NRG1: variants seen among roughly 807,000 people sequenced by gnomAD.
NRG1 encodes neuregulin 1.
NRG1 carries 18 observed loss-of-function variants against 63.8 expected under a neutral mutation model. The observed-to-expected ratio is 0.28, with a 90% CI of 0.19 to 0.42. The LOEUF (loss-of-function observed/expected upper bound fraction) is 0.42. Among genes scored for constraint, NRG1 ranks in the 10% least tolerant of loss-of-function variants. The pLI is 1.00. For synonymous variants in NRG1, 302 were observed against 301.3 expected (o/e 1.00, Z -0.02); for missense variants, 762 against 814.7 (o/e 0.94, Z 0.79).
intron 1 of NRG1, among the ~76,000 whole-genome samples, chr8:31,691,300 G>C (rs775254019): frequency 6.6e-6 from 1 of 152,126 alleles, no homozygotes; most frequent in Non-Finnish European, 1.5e-5. Context: ...AGCAAGTGAT[G>C]GAAATTAACA....
At chr8:32,403,370 C>A (rs1813501717) in intron 1 of NRG1, among the ~76,000 whole-genome samples, 1 of 151,522 alleles carries the variant, frequency 6.6e-6, no homozygotes, top group Non-Finnish European at 1.5e-5. Context: ...GTGCAAGGCA[C>A]TTGATAGCCT....
rs549142677 is a variant in NRG1, at chr8:31,856,664, G to A, written c.37+217233G>A. Among the ~76,000 whole-genome samples, 424 of 152,148 alleles carry A rather than the reference G, an allele frequency of 2.8e-3. 1 individual carries two copies. The highest frequency in any genetic ancestry group is 9.7e-3 in the African/African-American group (401 of 41,474). ...TGTTCCGTTGCTGGTGAGGAACTGCGTTCCTTTGGAGGAGGAGAGTCGCTC... is the reference window on the plus strand; with the variant it reads ...TGTTCCGTTGCTGGTGAGGAACTGCATTCCTTTGGAGGAGGAGAGTCGCTC... On this transcript the variant is annotated intron_variant, in intron 1 of 10. Transcript: ENST00000519301.
At chr8:32,123,409 G>C (rs1445418485) in intron 1 of NRG1, among the ~76,000 whole-genome samples, 1 of 151,804 alleles carries the variant, frequency 6.6e-6, no homozygotes, top group Non-Finnish European at 1.5e-5. Flanking sequence ...TGTAAGATGT[G>C]ACTTTGCTCC....
intron 5 of NRG1, among the ~76,000 whole-genome samples, chr8:32,653,990 AG>A (rs1425788228): frequency 6.6e-6 from 1 of 151,904 alleles, no homozygotes; most frequent in Non-Finnish European, 1.5e-5. Flanking sequence ...AGACATTCAA[AG>A]GGTGTTTCTG....
At chr8:32,543,531 G>C (rs185871248), upstream of NRG1, among the ~76,000 whole-genome samples, 5 of 151,978 alleles carry the variant, frequency 3.3e-5, no homozygotes, top group East Asian at 9.7e-4. Context: ...GTATGACGTT[G>C]GCCCTGTTTA....
chr8:31,975,177 A>G (rs563380833), intron 1 of NRG1, among the ~76,000 whole-genome samples: 1 of 152,316 alleles, frequency 6.6e-6, no homozygotes, highest in Non-Finnish European at 1.5e-5. Flanking sequence ...GTACAACAAC[A>G]TTATGAGTCA....
chr8:32,368,283 T>C (rs1007219973), intron 1 of NRG1, among the ~76,000 whole-genome samples: 5 of 152,172 alleles, frequency 3.3e-5, no homozygotes, highest in Non-Finnish European at 7.4e-5. Context: ...AAAGTACTTC[T>C]AGGGTCTGGG....
chr8:32,297,259 T>A (rs1855005911), intron 1 of NRG1, among the ~76,000 whole-genome samples: 1 of 152,174 alleles, frequency 6.6e-6, no homozygotes, highest in Non-Finnish European at 1.5e-5. Flanking sequence ...TAGTGATCTA[T>A]GAGTAATCTA....
Position 32,068,114 on chromosome 8 carries a change from G to T in NRG1, c.37+428683G>T, listed in dbSNP as rs556443259. 5.9e-5 allele frequency among the ~76,000 whole-genome samples: 9 copies of T among 152,274 alleles called. No individual in the cohort carries two copies. The East Asian group carries it at 1.7e-3, about 29-fold the overall frequency. On this transcript the variant is annotated intron_variant, in intron 1 of 10. Coordinates refer to the NRG1 transcript ENST00000519301. The stretch of plus-strand genomic sequence containing the variant: ...CATGGTTACTGTATAAAGATCATTT[G>T]TTCTACAGGTCAGAAGGCCTGAGTT...
intron 1 of NRG1, among the ~76,000 whole-genome samples, chr8:32,578,155 C>T (rs143616322): frequency 3.3e-5 from 5 of 151,958 alleles, no homozygotes; most frequent in African/African-American, 9.7e-5. Context: ...CCACCACGCC[C>T]GGATAATTTT....
intron 1 of NRG1, among the ~76,000 whole-genome samples, chr8:31,940,228 G>A (rs1801549690): frequency 6.6e-6 from 1 of 152,016 alleles, no homozygotes; most frequent in African/African-American, 2.4e-5. Context: ...GAATAAAATT[G>A]CAAATCAACT....
intron 1 of NRG1, among the ~76,000 whole-genome samples, chr8:32,191,176 A>C (rs569718708): frequency 6.6e-6 from 1 of 151,804 alleles, no homozygotes; most frequent in Admixed American, 6.6e-5. Flanking sequence ...CCTCTGGCTC[A>C]TGGATTCAAG....
intron 1 of NRG1, among the ~76,000 whole-genome samples, chr8:31,852,038 T>C (rs1163409529): frequency 6.7e-6 from 1 of 149,684 alleles, no homozygotes; most frequent in African/African-American, 2.4e-5. Flanking sequence ...TTCCAAGTCT[T>C]TGCTATTGTG....
intron 1 of NRG1, among the ~76,000 whole-genome samples, chr8:32,261,358 AGTGTGT>A (rs3055547): frequency 5.5e-4 from 81 of 148,360 alleles, no homozygotes; most frequent in South Asian, 8.7e-4. Flanking sequence ...TGCTCCTATT[AGTGTGT>A]GTGTGTGTGT....
At position 32,553,011 on chromosome 8, in the gene NRG1, G is replaced by A. The variant is rs1011163444; in HGVS notation, c.100+4185G>A. ...TGTGTATTTTGTCATCCGTCCTTTC[G>A]AAAATAAGAAAATTCCTTGCTATTA... On this transcript the variant is annotated intron_variant, in intron 1 of 11. Coordinates refer to ENST00000356819, the Ensembl canonical transcript of NRG1. Among the ~76,000 whole-genome samples, 10 of 152,110 alleles carry A rather than the reference G, an allele frequency of 6.6e-5. No individual in the cohort carries two copies. In the South Asian group the frequency reaches 1.5e-3, roughly 22 times the overall value.
chr8:32,392,189 G>A (rs765231767), intron 1 of NRG1, among the ~76,000 whole-genome samples: 10 of 152,108 alleles, frequency 6.6e-5, no homozygotes, highest in Non-Finnish European at 1.5e-4. Flanking sequence ...CACCAATAAG[G>A]GGACCATATA....
chr8:31,916,339 C>T (rs1467683806), intron 1 of NRG1, among the ~76,000 whole-genome samples: 1 of 152,098 alleles, frequency 6.6e-6, no homozygotes, highest in Non-Finnish European at 1.5e-5. Context: ...TTAGGTATAT[C>T]TCCCAATGCT....
intron 1 of NRG1, among the ~76,000 whole-genome samples, chr8:31,998,506 G>A (rs766587333): frequency 4.6e-5 from 7 of 151,924 alleles, no homozygotes; most frequent in Non-Finnish European, 7.4e-5. Flanking sequence ...CTAATCTTTG[G>A]GTAAAGAAGA....
chr8:32,353,466 A>G (rs1554516276), intron 1 of NRG1, among the ~76,000 whole-genome samples: 1 of 152,036 alleles, frequency 6.6e-6, no homozygotes, highest in Non-Finnish European at 1.5e-5. Flanking sequence ...TGATTTTATT[A>G]TTGTTGTAAT....
Sources: allele counts gnomAD v4.1 joint callset (sites outside exome capture counted in the v4.1 genomes callset), GRCh38; gene constraint gnomAD v4.1.1; transcripts MANE v1.5; gene names NCBI Gene and HGNC (gene_info 2026-07-23, HGNC 2026-07-21).